Variants in SLC10A7 observed in about 807,000 individuals in gnomAD.
SLC10A7 encodes the protein solute carrier family 10 member 7.
Under a neutral mutation model 43.2 loss-of-function variants are expected in SLC10A7, and 29 were observed. The ratio of observed to expected loss-of-function variants is 0.67; its 90% CI spans 0.50 to 0.92. The LOEUF (loss-of-function observed/expected upper bound fraction) is 0.92, where lower values mean the gene tolerates loss of function less well. Ranked by LOEUF, SLC10A7 falls within the 40% of genes least tolerant of loss-of-function variation. SLC10A7 has a pLI of 0.00. For missense variants in SLC10A7, 295 were observed against 403.2 expected, an observed-to-expected ratio of 0.73 and a Z score of 2.30; for synonymous variants, 152 against 144.8, an observed-to-expected ratio of 1.05 and a Z score of -0.35.
intron 5 of SLC10A7, among the ~76,000 whole-genome samples, chr4:146,439,872 A>G (rs1730465106): frequency 6.6e-6 from 1 of 152,178 alleles, no homozygotes; most frequent in African/African-American, 2.4e-5. Flanking sequence ...AAATAGCTGT[A>G]ACAAGTACCA....
intron 4 of SLC10A7, among the ~76,000 whole-genome samples, chr4:146,500,424 A>G (rs982618365): frequency 6.6e-6 from 1 of 152,076 alleles, no homozygotes; most frequent in Admixed American, 6.6e-5. Flanking sequence ...TAAGAAAATA[A>G]AAACCATTAA....
At chr4:146,302,515 G>T (rs1731230343) in intron 7 of SLC10A7, among the ~76,000 whole-genome samples, 1 of 152,208 alleles carries the variant, frequency 6.6e-6, no homozygotes, top group African/African-American at 2.4e-5. Flanking sequence ...GGTCAAGAAA[G>T]AAATCAAACA....
intron 5 of SLC10A7, among the ~76,000 whole-genome samples, chr4:146,362,440 G>T (rs1736110230): frequency 6.6e-6 from 1 of 151,970 alleles, no homozygotes. Flanking sequence ...GGAGGGAGTG[G>T]GATGACATAT....
chr4:146,316,106 A>G (rs1041414374), intron 6 of SLC10A7, among the ~76,000 whole-genome samples: 2 of 152,132 alleles, frequency 1.3e-5, no homozygotes, highest in African/African-American at 4.8e-5. Context: ...CCAAGTAACG[A>G]ACTTATAAGT....
chr4:146,501,059 G>A (rs996674191), intron 4 of SLC10A7, among the ~76,000 whole-genome samples: 1 of 152,100 alleles, frequency 6.6e-6, no homozygotes, highest in African/African-American at 2.4e-5. Context: ...TTTCTCTGTT[G>A]CCTTTGCTGG....
chr4:146,511,248 C>T (rs1374383284), intron 2 of SLC10A7, among the ~76,000 whole-genome samples: 1 of 152,080 alleles, frequency 6.6e-6, no homozygotes, highest in African/African-American at 2.4e-5. Context: ...CTCTAGGATT[C>T]AAATATATAT....
intron 4 of SLC10A7, among the ~76,000 whole-genome samples, chr4:146,452,575 C>T (rs1340330492): frequency 6.6e-6 from 1 of 152,012 alleles, no homozygotes; most frequent in Non-Finnish European, 1.5e-5. Context: ...TTCTCTTATG[C>T]AACTTAGTTG....
intron 5 of SLC10A7, among the ~76,000 whole-genome samples, chr4:146,431,999 A>G (rs1260947949): frequency 6.6e-6 from 1 of 152,248 alleles, no homozygotes; most frequent in Admixed American, 6.5e-5. Context: ...ACAGGCCACC[A>G]AAGATATACG....
intron 5 of SLC10A7, among the ~76,000 whole-genome samples, chr4:146,437,909 T>C (rs1040504794): frequency 1.3e-5 from 2 of 152,076 alleles, no homozygotes; most frequent in East Asian, 1.9e-4. Flanking sequence ...TTTTATAGCA[T>C]AGTTGGAAAC....
In SLC10A7 at chr4:146,254,549, C is replaced by A. The variant is rs1331731759; in HGVS notation, c.*1942G>T. 6.6e-6 allele frequency: 1 copy of A among 152,168 alleles called. No individual in the cohort carries two copies. The highest frequency in any genetic ancestry group is 1.5e-5 in the Non-Finnish European group (1 of 68,026). The allele number at this position is 152,168 out of a possible 1,614,324, so 9.4% of individuals were successfully genotyped here. On this transcript the variant is annotated 3_prime_UTR_variant, in exon 12 of 12. Coordinates refer to ENST00000335472, the MANE Select transcript of SLC10A7 (RefSeq NM_001029998.6). ...GTAAAGATTATTTGAAAACAAAGCA[C>A]ATTTTTAAAGCAAACGATAAAATGT...
intron 5 of SLC10A7, among the ~76,000 whole-genome samples, chr4:146,390,047 G>T (rs765644321): frequency 3.3e-5 from 5 of 152,238 alleles, no homozygotes; most frequent in Non-Finnish European, 7.3e-5. Context: ...TCACTAAGGT[G>T]TGAGGGTGTG....
intron 4 of SLC10A7, among the ~76,000 whole-genome samples, chr4:146,451,635 T>A (rs1329817944): frequency 2.6e-5 from 4 of 152,146 alleles, no homozygotes; most frequent in Admixed American, 6.5e-5. Flanking sequence ...AACCACATGA[T>A]TACCTCAATA....
chr4:146,271,665 C>T (rs1420913671), intron 10 of SLC10A7, among the ~76,000 whole-genome samples: 1 of 152,168 alleles, frequency 6.6e-6, no homozygotes, highest in East Asian at 1.9e-4. Context: ...GAGTAAGAGG[C>T]AAGTCCCTAC....
intron 4 of SLC10A7, 149 bp from the exon 5 acceptor site, chr4:146,442,970 C>T: frequency 1.7e-6 from 1 of 604,152 alleles, no homozygotes; most frequent in East Asian, 3.1e-5. Context: ...ACAAAAATTG[C>T]CAGTGGCCTG....
At chr4:146,271,829 T>C (rs76362946) in intron 10 of SLC10A7, among the ~76,000 whole-genome samples, 3,303 of 152,272 alleles carry the variant, frequency 0.022, 114 homozygotes, top group African/African-American at 0.075. Flanking sequence ...TTGCCTTCAC[T>C]GTTCCTTCTC....
At chr4:146,392,970 G>T (rs1205373072) in intron 5 of SLC10A7, among the ~76,000 whole-genome samples, 3 of 151,862 alleles carry the variant, frequency 2.0e-5, no homozygotes, top group Non-Finnish European at 2.9e-5. Flanking sequence ...GGGCAATCCT[G>T]CCTCAAGGCC....
At chr4:146,395,742 C>T (rs36058995) in intron 5 of SLC10A7, among the ~76,000 whole-genome samples, 83,088 of 151,930 alleles carry the variant, frequency 0.55, 23,287 homozygotes, top group East Asian at 0.78. Flanking sequence ...CACAATTACA[C>T]AGCATGAATG....
chr4:146,287,171 G>GGACCGTGTCTGGAGTGGTGAGAAC (rs1730080447), intron 9 of SLC10A7, among the ~76,000 whole-genome samples: 4 of 151,922 alleles, frequency 2.6e-5, no homozygotes, highest in Non-Finnish European at 4.4e-5. Flanking sequence ...GTGGTGAGAA[G>GGACCGTGTCTGGAGTGGTGAGAAC]GACTGTGTCT....
intron 10 of SLC10A7, among the ~76,000 whole-genome samples, chr4:146,270,178 CTTTA>C (rs943797376): frequency 1.1e-4 from 17 of 152,234 alleles, no homozygotes; most frequent in African/African-American, 4.1e-4. Flanking sequence ...TACTCTTGGC[CTTTA>C]TTTATTCTCA....
Sources: gnomAD v4.1 joint callset for allele counts (sites outside exome capture counted in the v4.1 genomes callset) on GRCh38, gnomAD v4.1.1 for gene constraint, MANE v1.5 for transcripts, NCBI Gene and HGNC (gene_info 2026-07-23, HGNC 2026-07-21) for gene names.